SPIDR: variants seen among roughly 807,000 people sequenced by gnomAD.
SPIDR encodes the protein DNA repair-scaffolding protein.
In SPIDR, 93 loss-of-function variants were observed where a neutral mutation model predicts 104.6. The observed-to-expected ratio is 0.89, with a 90% CI of 0.75 to 1.06. The LOEUF (loss-of-function observed/expected upper bound fraction) is 1.06, where lower values mean the gene tolerates loss of function less well. Among genes scored for constraint, SPIDR ranks in the 50% least tolerant of loss-of-function variants. SPIDR has a pLI of 0.00. For synonymous variants in SPIDR, 431 were observed against 416.9 expected (o/e 1.03, Z -0.41); for missense variants, 1,154 against 1,111.2 (o/e 1.04, Z -0.55).
chr8:47,312,570 T>G (rs1176219318), intron 5 of SPIDR, among the ~76,000 whole-genome samples: 1 of 152,164 alleles, frequency 6.6e-6, no homozygotes, highest in Admixed American at 6.5e-5. Flanking sequence ...TGGGGTTGTT[T>G]GTTTTTTTCT....
intron 14 of SPIDR, among the ~76,000 whole-genome samples, chr8:47,712,171 AG>A (rs1479688658): frequency 6.6e-6 from 1 of 152,258 alleles, no homozygotes; most frequent in Non-Finnish European, 1.5e-5. Flanking sequence ...GAAGGAAAGA[AG>A]AAAAGAAAAT....
intron 10 of SPIDR, among the ~76,000 whole-genome samples, chr8:47,640,465 A>T (rs1242041446): frequency 1.3e-5 from 2 of 152,214 alleles, no homozygotes; most frequent in African/African-American, 4.8e-5. Context: ...CTAAAATTTC[A>T]TTTTAGAATG....
intron 5 of SPIDR, among the ~76,000 whole-genome samples, chr8:47,359,479 A>G (rs2055290617): frequency 6.6e-6 from 1 of 152,180 alleles, no homozygotes; most frequent in Non-Finnish European, 1.5e-5. Flanking sequence ...AAAGGGGCAA[A>G]AAGGAAAAAA....
At chr8:47,539,828 A>T (rs888043797) in intron 8 of SPIDR, among the ~76,000 whole-genome samples, 1 of 151,716 alleles carries the variant, frequency 6.6e-6, no homozygotes, top group African/African-American at 2.4e-5. Context: ...CAGCCTTGTT[A>T]GGACTGTCTG....
chr8:47,413,234 C>T (rs1357762933), intron 7 of SPIDR, among the ~76,000 whole-genome samples: 1 of 152,228 alleles, frequency 6.6e-6, no homozygotes, highest in Non-Finnish European at 1.5e-5. Flanking sequence ...GACATTCATG[C>T]AGCGCTTTTG....
chr8:47,390,237 C>G (rs549535202), intron 5 of SPIDR, among the ~76,000 whole-genome samples: 1 of 152,212 alleles, frequency 6.6e-6, no homozygotes, highest in South Asian at 2.1e-4. Context: ...TGAGAATGGA[C>G]TGTCCAAGAA....
chr8:47,514,818 A>T (rs2082873255), intron 8 of SPIDR, among the ~76,000 whole-genome samples: 3 of 152,236 alleles, frequency 2.0e-5, no homozygotes, highest in Non-Finnish European at 4.4e-5. Context: ...CACCCAAAAC[A>T]GCACACATGG....
chr8:47,295,135 G>A (rs1241709301), intron 5 of SPIDR, among the ~76,000 whole-genome samples: 5 of 151,954 alleles, frequency 3.3e-5, no homozygotes, highest in African/African-American at 1.2e-4. Flanking sequence ...TTTCATTTCT[G>A]GAAGTTTGAT....
At chr8:47,496,558 A>G (rs2154369159) in intron 8 of SPIDR, among the ~76,000 whole-genome samples, 1 of 152,224 alleles carries the variant, frequency 6.6e-6, no homozygotes, top group Middle Eastern at 3.4e-3. Context: ...TAGTTGTGGT[A>G]TATAATCCGT....
intron 10 of SPIDR, among the ~76,000 whole-genome samples, chr8:47,607,443 T>G (rs1289207555): frequency 6.6e-6 from 1 of 152,036 alleles, no homozygotes; most frequent in African/African-American, 2.4e-5. Flanking sequence ...ACATTGTTTC[T>G]TCTCAGCCCT....
At chr8:47,517,237 C>T (rs755136366) in intron 8 of SPIDR, among the ~76,000 whole-genome samples, 15 of 152,126 alleles carry the variant, frequency 9.9e-5, no homozygotes, top group South Asian at 2.1e-4. Flanking sequence ...CAACCCGTCT[C>T]GACCTCCCAA....
At chr8:47,636,101 A>T (rs753565702) in intron 10 of SPIDR, among the ~76,000 whole-genome samples, 1 of 152,192 alleles carries the variant, frequency 6.6e-6, no homozygotes, top group African/African-American at 2.4e-5. Flanking sequence ...TTCCAACAGC[A>T]TGTGTTCACC....
chr8:47,557,906 G>A (rs956864303), intron 8 of SPIDR, among the ~76,000 whole-genome samples: 2 of 152,086 alleles, frequency 1.3e-5, no homozygotes, highest in Non-Finnish European at 2.9e-5. Flanking sequence ...ATCAGCCTGG[G>A]TGCCCTATAG....
intron 5 of SPIDR, among the ~76,000 whole-genome samples, chr8:47,331,086 T>C (rs1320335411): frequency 1.3e-5 from 2 of 152,230 alleles, no homozygotes; most frequent in African/African-American, 4.8e-5. Context: ...TAAATTTGCA[T>C]TTCTCTGGTA....
intron 16 of SPIDR, among the ~76,000 whole-genome samples, chr8:47,719,653 G>C (rs1394411561): frequency 6.6e-6 from 1 of 152,110 alleles, no homozygotes; most frequent in Non-Finnish European, 1.5e-5. Flanking sequence ...GAGTGCCCTA[G>C]GAGCCAGGCT....
intron 8 of SPIDR, among the ~76,000 whole-genome samples, chr8:47,567,737 T>C (rs1007802546): frequency 6.6e-6 from 1 of 151,842 alleles, no homozygotes; most frequent in African/African-American, 2.4e-5. Context: ...GACAGTGCAC[T>C]AACTTGAACT....
intron 5 of SPIDR, chr8:47,330,830 C>T (rs782246568): frequency 5.7e-5 from 26 of 455,812 alleles, no homozygotes; most frequent in African/African-American, 2.2e-4. Flanking sequence ...TGGAAGTTTC[C>T]GTGTGGAGAT....
intron 8 of SPIDR, among the ~76,000 whole-genome samples, chr8:47,444,637 A>G (rs1164982353): frequency 6.6e-6 from 1 of 152,116 alleles, no homozygotes; most frequent in Non-Finnish European, 1.5e-5. Flanking sequence ...CTTGGGTGAA[A>G]TATTTATCAT....
intron 5 of SPIDR, among the ~76,000 whole-genome samples, chr8:47,344,435 G>C (rs2051441345): frequency 6.6e-6 from 1 of 152,200 alleles, no homozygotes; most frequent in Non-Finnish European, 1.5e-5. Flanking sequence ...ACATCCGTGT[G>C]TATGTGTCTT....
Sources: allele counts gnomAD v4.1 joint callset (sites outside exome capture counted in the v4.1 genomes callset), GRCh38; gene constraint gnomAD v4.1.1; transcripts MANE v1.5; gene names NCBI Gene and HGNC (gene_info 2026-07-23, HGNC 2026-07-21).